EPHA6: variants seen among roughly 807,000 people sequenced by gnomAD.
EPHA6 encodes the protein ephrin type-A receptor 6.
In EPHA6, 50 loss-of-function variants were observed where a neutral mutation model predicts 112.0. The ratio of observed to expected loss-of-function variants is 0.45; its 90% confidence interval spans 0.36 to 0.56. The LOEUF is 0.56. EPHA6 is among the 20% of genes least tolerant of loss of function. The probability of loss-of-function intolerance (pLI) is 0.00; values close to 1 mark genes in which losing one functional copy is unlikely to be tolerated. For missense variants in EPHA6, 1,280 were observed against 1,417.4 expected (o/e 0.90, Z 1.56); for synonymous variants, 529 against 490.7 (o/e 1.08, Z -1.03).
chr3:97,246,411 G>A (rs565148987), intron 5 of EPHA6, among the ~76,000 whole-genome samples: 5 of 151,782 alleles, frequency 3.3e-5, no homozygotes, highest in Admixed American at 1.3e-4. Context: ...TTATCAAAAG[G>A]ATAAAATATA....
At chr3:97,029,461 C>G (rs2044751373) in intron 3 of EPHA6, among the ~76,000 whole-genome samples, 1 of 151,648 alleles carries the variant, frequency 6.6e-6, no homozygotes, top group Non-Finnish European at 1.5e-5. Context: ...AAGAATTATG[C>G]TGAAAGAGAA....
At chr3:97,380,594 A>G (rs2085669215) in intron 5 of EPHA6, among the ~76,000 whole-genome samples, 1 of 152,186 alleles carries the variant, frequency 6.6e-6, no homozygotes, top group Non-Finnish European at 1.5e-5. Context: ...GAGATATACA[A>G]TGGATACCCA....
chr3:97,314,736 G>A lies in EPHA6; in HGVS notation c.1606+70449G>A, dbSNP rs112314721. 2.9e-3 allele frequency among the ~76,000 whole-genome samples: 441 copies of A among 151,744 alleles called. 2 individuals are homozygous for A. The highest frequency in any genetic ancestry group is 0.01 in the African/African-American group (425 of 41,506). The stretch of plus-strand genomic sequence containing the variant: ...CAAGTAGACATTAGGGAAGCAGAAG[G>A]AGTAGGAAGGAAGATAGAAGTTAAG... On this transcript the variant is annotated intron_variant, in intron 5 of 17. Coordinates refer to ENST00000389672, the MANE Select transcript of EPHA6 (RefSeq NM_001080448.3).
intron 14 of EPHA6, among the ~76,000 whole-genome samples, chr3:97,680,047 G>C (rs1351518304): frequency 1.3e-5 from 2 of 152,154 alleles, no homozygotes; most frequent in Non-Finnish European, 1.5e-5. Context: ...TTATTACAGG[G>C]CTCCCAAAGT....
intron 2 of EPHA6, among the ~76,000 whole-genome samples, chr3:96,899,175 G>A (rs1340637754): frequency 6.6e-6 from 1 of 151,988 alleles, no homozygotes; most frequent in Non-Finnish European, 1.5e-5. Flanking sequence ...CCCCTTTTAA[G>A]CTTCTAGTGT....
chr3:96,834,093 A>T (rs1168425015), intron 1 of EPHA6, among the ~76,000 whole-genome samples: 1 of 152,062 alleles, frequency 6.6e-6, no homozygotes, highest in Non-Finnish European at 1.5e-5. Context: ...ATCTCCCTTG[A>T]TAAATTTCTG....
chr3:97,678,440 G>A (rs770131408), intron 14 of EPHA6, among the ~76,000 whole-genome samples: 8 of 152,162 alleles, frequency 5.3e-5, no homozygotes, highest in Middle Eastern at 3.4e-3. Context: ...CCCAGAAGAC[G>A]AGCGCTTCCT....
chr3:97,042,837 C>A (rs1469663608), intron 3 of EPHA6, among the ~76,000 whole-genome samples: 1 of 152,112 alleles, frequency 6.6e-6, no homozygotes, highest in Non-Finnish European at 1.5e-5. Context: ...AAAATAAAAT[C>A]TTGACCACCA....
chr3:97,743,545 A>G (rs567214244), intron 16 of EPHA6, among the ~76,000 whole-genome samples: 4 of 152,254 alleles, frequency 2.6e-5, no homozygotes, highest in South Asian at 2.1e-4. Context: ...TTAAGCATCC[A>G]CATATAGAAT....
At chr3:97,693,321 G>T (rs1168009771) in intron 14 of EPHA6, among the ~76,000 whole-genome samples, 1 of 152,128 alleles carries the variant, frequency 6.6e-6, no homozygotes, top group Non-Finnish European at 1.5e-5. Context: ...GTTAAGCAGA[G>T]CCAGTATATA....
rs184834213 is a variant in EPHA6 at position 97,326,049 on chromosome 3, A to C, written c.1607-79101A>C. Among the ~76,000 whole-genome samples, 38 of 152,228 alleles carry C rather than the reference A, an allele frequency of 2.5e-4. No homozygotes were observed. In the East Asian group the frequency reaches 5.2e-3, roughly 21 times the overall value. ...GTGTATCAAATTTCAAATATATTAC[A>C]TGCACAATATATTGTATGAGAAAGA... On this transcript the variant is annotated intron_variant, in intron 5 of 17. Coordinates refer to ENST00000389672, the MANE Select transcript of EPHA6 (RefSeq NM_001080448.3).
At chr3:97,575,181 G>T (rs761904786) in intron 11 of EPHA6, among the ~76,000 whole-genome samples, 1 of 151,900 alleles carries the variant, frequency 6.6e-6, no homozygotes, top group Admixed American at 6.6e-5. Context: ...TAGACTTGTG[G>T]TACACTATTT....
At chr3:97,421,903 G>A (rs368581524) in intron 6 of EPHA6, among the ~76,000 whole-genome samples, 2 of 151,500 alleles carry the variant, frequency 1.3e-5, no homozygotes, top group African/African-American at 4.9e-5. Context: ...ACTGGGTAAT[G>A]TATATTGGTA....
At chr3:97,637,065 G>T (rs545740875) in intron 13 of EPHA6, among the ~76,000 whole-genome samples, 19 of 151,944 alleles carry the variant, frequency 1.3e-4, no homozygotes, top group African/African-American at 4.6e-4. Flanking sequence ...CATACATTTT[G>T]CTCAGATAAC....
chr3:97,278,693 C>A (rs2080181844), intron 5 of EPHA6, among the ~76,000 whole-genome samples: 1 of 152,172 alleles, frequency 6.6e-6, no homozygotes, highest in South Asian at 2.1e-4. Context: ...CTAGAGGGTG[C>A]AGTGTGTTAC....
intron 2 of EPHA6, among the ~76,000 whole-genome samples, chr3:96,965,828 G>A (rs2042104587): frequency 1.3e-5 from 2 of 151,928 alleles, no homozygotes; most frequent in Admixed American, 1.3e-4. Context: ...TCTTATAAAG[G>A]GTTTATGTAG....
Position 97,066,435 on chromosome 3 carries a change from A to G in EPHA6, c.1114+78442A>G, listed in dbSNP as rs146697190. ...TGAATATGAAAATGTCATTTATACTATTGACTTCAGTTATTAAATAGGTCA... is the reference window on the plus strand; with the variant it reads ...TGAATATGAAAATGTCATTTATACTGTTGACTTCAGTTATTAAATAGGTCA... On this transcript the variant is annotated intron_variant, in intron 3 of 17. Transcript: ENST00000389672. 5.7e-3 allele frequency among the ~76,000 whole-genome samples: 873 copies of G among 152,278 alleles called. 12 individuals carry two copies. The highest frequency in any genetic ancestry group is 0.019 in the African/African-American group (800 of 41,570).
intron 10 of EPHA6, among the ~76,000 whole-genome samples, chr3:97,493,250 TTGTA>T (rs2091897601): frequency 6.6e-6 from 1 of 151,664 alleles, no homozygotes; most frequent in African/African-American, 2.4e-5. Flanking sequence ...GTGTTTGTGT[TTGTA>T]TGTGTGTGTG....
intron 3 of EPHA6, among the ~76,000 whole-genome samples, chr3:97,083,430 T>C (rs1160656358): frequency 1.3e-5 from 2 of 151,960 alleles, no homozygotes; most frequent in South Asian, 2.1e-4. Context: ...TTCTGGACAG[T>C]CCTCTCTTTT....
Sources: allele counts gnomAD v4.1 joint callset (sites outside exome capture counted in the v4.1 genomes callset), GRCh38; gene constraint gnomAD v4.1.1; transcripts MANE v1.5; gene names NCBI Gene and HGNC (gene_info 2026-07-23, HGNC 2026-07-21).